BMAL2: variants seen among roughly 807,000 people sequenced by gnomAD.
BMAL2 encodes the protein basic helix-loop-helix ARNT like 2, also known as basic helix-loop-helix ARNT-like protein 2.
chr12:27,370,664 G>A, the BMAL2 span, among the ~76,000 whole-genome samples: 1 of 152,078 alleles, frequency 6.6e-6, no homozygotes, highest in South Asian at 2.1e-4. Flanking sequence ...GAGTGCAAAT[G>A]GCGCAATCTC....
At chr12:27,359,757 G>A in the BMAL2 span, among the ~76,000 whole-genome samples, 3 of 152,144 alleles carry the variant, frequency 2.0e-5, no homozygotes, top group Admixed American at 6.6e-5. Flanking sequence ...GTCTGCTGTG[G>A]TCCTCAAAGG....
chr12:27,374,552 A>C, the BMAL2 span, among the ~76,000 whole-genome samples: 359 of 152,344 alleles, frequency 2.4e-3, no homozygotes, highest in African/African-American at 8.0e-3. Context: ...GACTATTAGG[A>C]AGAAAATTAT....
At chr12:27,393,344 G>A in the BMAL2 span, among the ~76,000 whole-genome samples, 2 of 152,104 alleles carry the variant, frequency 1.3e-5, no homozygotes, top group African/African-American at 4.8e-5. Context: ...AGCCTGCATT[G>A]GAATCACCTG....
the BMAL2 span, among the ~76,000 whole-genome samples, chr12:27,372,101 T>C: frequency 1.3e-5 from 2 of 152,124 alleles, no homozygotes; most frequent in Non-Finnish European, 2.9e-5. Flanking sequence ...CATGGCGGCA[T>C]GCGCCTGTAG....
At chr12:27,409,445 T>C in the BMAL2 span, among the ~76,000 whole-genome samples, 1 of 152,090 alleles carries the variant, frequency 6.6e-6, no homozygotes, top group African/African-American at 2.4e-5. Flanking sequence ...ATGCCACATA[T>C]CTACAACCAT....
the BMAL2 span, among the ~76,000 whole-genome samples, chr12:27,412,028 T>C: frequency 6.6e-6 from 1 of 152,192 alleles, no homozygotes; most frequent in Admixed American, 6.5e-5. Flanking sequence ...AGTTTGTGTA[T>C]ATGGGGTAAG....
chr12:27,390,882 G>A, the BMAL2 span, among the ~76,000 whole-genome samples: 656 of 152,194 alleles, frequency 4.3e-3, 4 homozygotes, highest in Middle Eastern at 0.027. Context: ...TTTAACATGG[G>A]ATTTGCCTTC....
chr12:27,377,301 T>C, the BMAL2 span: 1 of 152,342 alleles, frequency 6.6e-6, no homozygotes, highest in East Asian at 1.9e-4. Flanking sequence ...CAGAAACCTT[T>C]TCGGGTGTAG....
At chr12:27,406,594 G>T in the BMAL2 span, among the ~76,000 whole-genome samples, 1 of 152,144 alleles carries the variant, frequency 6.6e-6, no homozygotes, top group Non-Finnish European at 1.5e-5. Context: ...CCTGAAGGAA[G>T]CACTAAACAT....
the BMAL2 span, among the ~76,000 whole-genome samples, chr12:27,381,605 A>G: frequency 6.6e-6 from 1 of 152,210 alleles, no homozygotes; most frequent in African/African-American, 2.4e-5. Context: ...ACCAGGCCCC[A>G]CCTCCAGCAC....
the BMAL2 span, chr12:27,401,642 G>A: frequency 5.0e-6 from 8 of 1,607,716 alleles, no homozygotes; most frequent in Admixed American, 5.1e-5. Flanking sequence ...CAAAAGAACT[G>A]GAATATATTG....
chr12:27,358,861 AT>A, the BMAL2 span, among the ~76,000 whole-genome samples: 1 of 152,008 alleles, frequency 6.6e-6, no homozygotes, highest in South Asian at 2.1e-4. Context: ...ATAATAAAAT[AT>A]TTTTTATCTC....
chr12:27,350,692 T>G, the BMAL2 span, among the ~76,000 whole-genome samples: 1 of 152,222 alleles, frequency 6.6e-6, no homozygotes, highest in African/African-American at 2.4e-5. Flanking sequence ...CTTTTTTCTT[T>G]TTTTGGAGAC....
the BMAL2 span, among the ~76,000 whole-genome samples, chr12:27,365,683 T>C: frequency 6.6e-6 from 1 of 151,722 alleles, no homozygotes; most frequent in African/African-American, 2.4e-5. Flanking sequence ...TATTTTATTA[T>C]CTTTTAAATT....
chr12:27,414,006 G>A, the BMAL2 span, among the ~76,000 whole-genome samples: 3 of 151,786 alleles, frequency 2.0e-5, 1 homozygote, highest in African/African-American at 7.2e-5. Flanking sequence ...AATGACCACT[G>A]CACTCCAGCA....
At chr12:27,420,193 G>T in the BMAL2 span, among the ~76,000 whole-genome samples, 5 of 152,262 alleles carry the variant, frequency 3.3e-5, no homozygotes, top group African/African-American at 1.2e-4. Flanking sequence ...ACAGAAGATT[G>T]TTATAAAACT....
chr12:27,389,094 T>C, the BMAL2 span: 1 of 934,746 alleles, frequency 1.1e-6, no homozygotes, highest in Non-Finnish European at 1.7e-6. Flanking sequence ...CAATCAAAAA[T>C]CAAAAAAGAA....
chr12:27,409,182 T>C, the BMAL2 span, among the ~76,000 whole-genome samples: 2 of 152,074 alleles, frequency 1.3e-5, no homozygotes, highest in Non-Finnish European at 2.9e-5. Flanking sequence ...AGGTAATTTA[T>C]AGATTCAATG....
chr12:27,376,475 T>C, the BMAL2 span: 2 of 1,159,722 alleles, frequency 1.7e-6, no homozygotes, highest in East Asian at 2.4e-5. Flanking sequence ...GACACCAAGG[T>C]AGAAGGGCTT....
Sources: allele counts gnomAD v4.1 joint callset (sites outside exome capture counted in the v4.1 genomes callset), GRCh38; gene constraint gnomAD v4.1.1; transcripts MANE v1.5; gene names NCBI Gene and HGNC (gene_info 2026-07-23, HGNC 2026-07-21).